The following CNTNAP2 variants were observed in gnomAD, a reference collection of about 807,000 sequenced individuals.
CNTNAP2 encodes contactin associated protein 2.
Under a neutral mutation model 155.2 loss-of-function variants are expected in CNTNAP2, and 98 were observed. The observed-to-expected ratio is 0.63, with a 90% CI of 0.54 to 0.75. CNTNAP2 has a LOEUF of 0.75. CNTNAP2 is among the 30% of genes least tolerant of loss of function. CNTNAP2 has a pLI of 0.00. For synonymous variants in CNTNAP2, 651 were observed against 631.2 expected (o/e 1.03, Z -0.47); for missense variants, 1,727 against 1,688.1 (o/e 1.02, Z -0.40).
intron 15 of CNTNAP2, among the ~76,000 whole-genome samples, chr7:148,101,292 AATTAAAAAAC>A (rs1804094121): frequency 6.8e-6 from 1 of 147,300 alleles, no homozygotes; most frequent in African/African-American, 2.7e-5. Flanking sequence ...ATAATAATAA[AATTAAAAAAC>A]AAACAAACAA....
chr7:146,971,986 A>G (rs1797810446), intron 3 of CNTNAP2, among the ~76,000 whole-genome samples: 3 of 152,148 alleles, frequency 2.0e-5, no homozygotes, highest in Admixed American at 2.0e-4. Context: ...GCATTTTCCC[A>G]TATATGCTAT....
chr7:147,931,423 T>C (rs1357711013), intron 14 of CNTNAP2, among the ~76,000 whole-genome samples: 1 of 152,160 alleles, frequency 6.6e-6, no homozygotes, highest in African/African-American at 2.4e-5. Flanking sequence ...GAAAAGGGGA[T>C]ACTTTCAAAC....
intron 1 of CNTNAP2, among the ~76,000 whole-genome samples, chr7:146,756,629 T>G (rs780048809): frequency 3.9e-5 from 6 of 152,046 alleles, no homozygotes; most frequent in Non-Finnish European, 8.8e-5. Context: ...ATTGAGTTAT[T>G]GTTTCACCAA....
chr7:146,514,358 ACT>A (rs1247739095), intron 1 of CNTNAP2, among the ~76,000 whole-genome samples: 8 of 151,900 alleles, frequency 5.3e-5, no homozygotes, highest in African/African-American at 1.9e-4. Flanking sequence ...AAGGAAAATG[ACT>A]CTTACATTTG....
rs773399465 is a variant in CNTNAP2, at chr7:148,229,702, G to A, written c.3304G>A (p.Val1102Ile). Reference protein sequence around the residue: ...GGTREPYNIDVDHRNMANGQP... With the variant: ...GGTREPYNIDIDHRNMANGQP... ...CACCCGAGAGCCATACAATATTGAC[G>A]TAGACCACAGGAACATGGCCAATGG... The change falls in exon 20 of 24, where the codon GTA becomes ATA. Residue 1102 changes from valine (V) to isoleucine (I), a missense_variant. Coordinates refer to ENST00000361727, the MANE Select transcript of CNTNAP2 (RefSeq NM_014141.6). 55 of 1,613,936 alleles carry A rather than the reference G, an allele frequency of 3.4e-5. No homozygotes were observed. Among genetic ancestry groups the A allele is most frequent in the East Asian group, 2.0e-4 (9 of 44,886 alleles).
intron 10 of CNTNAP2, among the ~76,000 whole-genome samples, chr7:147,446,901 A>T (rs1385292702): frequency 6.6e-6 from 1 of 152,198 alleles, no homozygotes; most frequent in African/African-American, 2.4e-5. Context: ...AGTGTGACTA[A>T]AGAAGAGTTA....
intron 1 of CNTNAP2, among the ~76,000 whole-genome samples, chr7:146,742,105 T>C (rs912686098): frequency 6.6e-6 from 1 of 152,140 alleles, no homozygotes; most frequent in East Asian, 1.9e-4. Flanking sequence ...GTTTTGGCAG[T>C]GTTCCAGTGA....
At chr7:146,774,877 G>T (rs1485722588) in intron 2 of CNTNAP2, among the ~76,000 whole-genome samples, 2 of 152,162 alleles carry the variant, frequency 1.3e-5, no homozygotes, top group Non-Finnish European at 2.9e-5. Context: ...AAAATCGTTA[G>T]ATGTGTGCAA....
chr7:147,784,290 A>C lies in CNTNAP2; in HGVS notation c.2099-119275A>C, dbSNP rs374284901. 1.8e-4 allele frequency among the ~76,000 whole-genome samples: 27 copies of C among 150,728 alleles called. No homozygotes were observed. The East Asian group carries it at 4.7e-3, about 26-fold the overall frequency. The stretch of plus-strand genomic sequence containing the variant: ...ATTTTTGGAAGACACTATTCAACCC[A>C]TAACAATGCTCATTTGTTAAGATAA... On this transcript the variant is annotated intron_variant, in intron 13 of 23. Transcript: ENST00000361727.
At chr7:147,719,195 C>T (rs1028030653) in intron 13 of CNTNAP2, among the ~76,000 whole-genome samples, 2 of 152,074 alleles carry the variant, frequency 1.3e-5, no homozygotes, top group African/African-American at 4.8e-5. Flanking sequence ...CAGTTTGTTG[C>T]AGAAGCTGGG....
Position 146,491,112 on chromosome 7 carries a change from A to G in CNTNAP2, c.98-283159A>G, listed in dbSNP as rs1563104776. 5.9e-5 allele frequency among the ~76,000 whole-genome samples: 9 copies of G among 152,304 alleles called. 1 individual carries two copies. In the South Asian group the frequency reaches 1.9e-3, roughly 32 times the overall value. ...GCCCCCCCAAAAAAAACAAAACAAC[A>G]AGCAAACAAAAAACCCAAAGATGAG... On this transcript the variant is annotated intron_variant, in intron 1 of 23. Coordinates refer to ENST00000361727, the MANE Select transcript of CNTNAP2 (RefSeq NM_014141.6).
At chr7:147,701,784 T>A (rs1018345986) in intron 13 of CNTNAP2, among the ~76,000 whole-genome samples, 1 of 152,184 alleles carries the variant, frequency 6.6e-6, no homozygotes, top group Admixed American at 6.6e-5. Flanking sequence ...GAAAACTTCA[T>A]TCTAGTTATA....
intron 8 of CNTNAP2, among the ~76,000 whole-genome samples, chr7:147,214,374 C>A (rs908435565): frequency 6.6e-6 from 1 of 152,036 alleles, no homozygotes; most frequent in African/African-American, 2.4e-5. Flanking sequence ...AGGACACTGG[C>A]TAAGTTATTT....
At chr7:146,464,061 A>C (rs1796678642) in intron 1 of CNTNAP2, among the ~76,000 whole-genome samples, 1 of 151,990 alleles carries the variant, frequency 6.6e-6, no homozygotes, top group Non-Finnish European at 1.5e-5. Flanking sequence ...TTATTTTCTT[A>C]TATTCAATTT....
chr7:148,217,793 T>G lies in CNTNAP2; in HGVS notation c.3247+269T>G, dbSNP rs12333931. Among the ~76,000 whole-genome samples the G allele has an allele frequency of 0.77, 117,794 of 152,208 alleles. 45,820 individuals are homozygous for G. Among genetic ancestry groups the G allele is most frequent in the Admixed American group, 0.83 (12,742 of 15,304 alleles). On this transcript the variant is annotated intron_variant, in intron 19 of 23. Transcript: ENST00000361727. ...AATGCTGTTGCATGAATAAGAGATA[T>G]GTTTGCATGTGTAATGATTATTTTT... is the stretch of plus-strand genomic sequence containing the variant.
At chr7:146,614,647 C>T (rs1035352590) in intron 1 of CNTNAP2, among the ~76,000 whole-genome samples, 1 of 152,182 alleles carries the variant, frequency 6.6e-6, no homozygotes, top group Non-Finnish European at 1.5e-5. Context: ...AAATGTTGTG[C>T]TTGCAATCTG....
intron 1 of CNTNAP2, among the ~76,000 whole-genome samples, chr7:146,715,765 A>G (rs991084669): frequency 2.6e-5 from 4 of 152,198 alleles, no homozygotes; most frequent in African/African-American, 9.6e-5. Flanking sequence ...TTGTAGCCTA[A>G]TGAAGATTAC....
At chr7:148,152,854 A>G (rs1231937521) in intron 17 of CNTNAP2, among the ~76,000 whole-genome samples, 1 of 151,932 alleles carries the variant, frequency 6.6e-6, no homozygotes, top group Non-Finnish European at 1.5e-5. Context: ...CCCCGTCTCT[A>G]CTAAAAATAC....
At chr7:147,883,141 C>A in intron 13 of CNTNAP2, among the ~76,000 whole-genome samples, 1 of 152,014 alleles carries the variant, frequency 6.6e-6, no homozygotes, top group East Asian at 1.9e-4. Flanking sequence ...ATATAGAAAG[C>A]CTTGTGCTAG....
Sources: gnomAD v4.1 joint callset for allele counts (sites outside exome capture counted in the v4.1 genomes callset) on GRCh38, gnomAD v4.1.1 for gene constraint, MANE v1.5 for transcripts, NCBI Gene and HGNC (gene_info 2026-07-23, HGNC 2026-07-21) for gene names.